WDR20: variants seen among roughly 807,000 people sequenced by gnomAD.
WDR20 encodes WD repeat-containing protein 20.
Under a neutral mutation model 38.7 loss-of-function variants are expected in WDR20, and 3 were observed. The observed-to-expected ratio is 0.08, with a 90% confidence interval of 0.04 to 0.20. The LOEUF is 0.20. Ranked by LOEUF, WDR20 falls within the 10% of genes least tolerant of loss-of-function variation. WDR20 has a pLI of 1.00. For missense variants in WDR20, 559 were observed against 727.7 expected, an observed-to-expected ratio of 0.77 and a Z score of 2.67; for synonymous variants, 298 against 285.6, an observed-to-expected ratio of 1.04 and a Z score of -0.44.
intron 1 of WDR20, among the ~76,000 whole-genome samples, chr14:102,140,548 C>T (rs1422860373): frequency 6.6e-6 from 1 of 152,126 alleles, no homozygotes; most frequent in Non-Finnish European, 1.5e-5. Context: ...CCTCGCCTCC[C>T]TGGAGGGTTG....
At chr14:102,198,337 G>T in intron 2 of WDR20, 1 of 297,060 alleles carries the variant, frequency 3.4e-6, no homozygotes, top group African/African-American at 2.3e-5. Context: ...AGGCTAGTCT[G>T]GAACTCCTGG....
chr14:102,221,433 G>A lies in WDR20; in HGVS notation c.1693-1397G>A, dbSNP rs1017484583. 5.3e-5 allele frequency among the ~76,000 whole-genome samples: 8 copies of A among 152,190 alleles called. No individual in the cohort carries two copies. The highest frequency in any genetic ancestry group is 1.7e-4 in the African/African-American group (7 of 41,444). ...GGCTTCCTTCCTCCAGACTGTCTGC[G>A]GCAGAAGTGGGGTCAGGAACCTGCT... is the stretch of plus-strand genomic sequence containing the variant. On this transcript the variant is annotated intron_variant, in intron 3 of 3. Coordinates refer to the WDR20 transcript ENST00000335263. The surrounding 1 kb of genome is among the most constrained non-coding windows in gnomAD (Gnocchi z 4.8).
At chr14:102,183,321 T>C (rs1455341081) in intron 1 of WDR20, among the ~76,000 whole-genome samples, 1 of 152,234 alleles carries the variant, frequency 6.6e-6, no homozygotes, top group Non-Finnish European at 1.5e-5. Context: ...AGAGATTATT[T>C]GAATTACAGA....
Position 102,196,251 on chromosome 14 carries a change from AGTT to A in WDR20, c.432+1133_432+1135del, listed in dbSNP as rs539642128. ...ATGCCATCTCTTCTAGTTTCCTCTG[AGTT>A]GACTGGAAACAAAACTTGCCATCTG... On this transcript the variant is annotated intron_variant, in intron 2 of 2. Coordinates refer to ENST00000342702, the MANE Select transcript of WDR20 (RefSeq NM_144574.4). 2.9e-3 allele frequency among the ~76,000 whole-genome samples: 440 copies of A among 152,242 alleles called. 4 individuals are homozygous for A. The highest frequency in any genetic ancestry group is 0.01 in the African/African-American group (418 of 41,524).
chr14:102,143,838 C>T (rs1046211274), intron 1 of WDR20, among the ~76,000 whole-genome samples: 11 of 151,616 alleles, frequency 7.3e-5, no homozygotes, highest in South Asian at 4.2e-4. Flanking sequence ...CCACTGCGCC[C>T]GGCCGTAAAC....
At chr14:102,197,481 A>G (rs1177406837) in intron 2 of WDR20, among the ~76,000 whole-genome samples, 1 of 152,214 alleles carries the variant, frequency 6.6e-6, no homozygotes, top group East Asian at 1.9e-4. Flanking sequence ...TGTGGGTCTT[A>G]AAGGGTACAT....
rs765411754 is a variant in WDR20 at position 102,208,652 on chromosome 14, C to T, written c.482C>T (p.Ser161Leu). Residue 161 changes from serine (S) to leucine (L), a missense_variant, in exon 3 of 3, where the codon TCG becomes TTG. By Grantham distance (145) the Ser-to-Leu change is moderately radical. Transcript: ENST00000342702. The surrounding 1 kb of genome is among the most constrained non-coding windows in gnomAD (Gnocchi z 5.6). ...ACCTGTGTCAAATGGGTTCCCGGTT[C>T]GGAAAGCCTTTTCCTAGTAGCCCAC... ...RVTCVKWVPG[S>L]ESLFLVAHSS... 8 of 1,612,494 alleles carry T rather than the reference C, an allele frequency of 5.0e-6. No individual in the cohort carries two copies. In the Admixed American group the frequency reaches 6.7e-5, roughly 13 times the overall value.
intron 1 of WDR20, among the ~76,000 whole-genome samples, chr14:102,187,325 C>G (rs1173230537): frequency 2.0e-5 from 3 of 152,028 alleles, no homozygotes; most frequent in African/African-American, 7.3e-5. Flanking sequence ...ATATATGGAA[C>G]ATAGTTAACA....
In WDR20 at chr14:102,208,715, C is replaced by G. The variant is rs2062010992; in HGVS notation, c.545C>G (p.Thr182Ser). 6.2e-7 allele frequency: 1 copy of G among 1,614,096 alleles called. No homozygotes were observed. The highest frequency in any genetic ancestry group is 1.1e-5 in the South Asian group (1 of 91,092). Residue 182 changes from threonine to serine, a missense_variant, in exon 3 of 3, where the codon ACT becomes AGT. Physicochemically the swap from Thr to Ser is moderately conservative, Grantham distance 58. Coordinates refer to ENST00000342702, the MANE Select transcript of WDR20 (RefSeq NM_144574.4). This position sits in a 1 kb window ranked among gnomAD's most constrained non-coding sequence, Gnocchi z 5.6. Reference protein sequence around the residue: ...GNMYLYNVEHTCGTTAPHYQL... With the variant: ...GNMYLYNVEHSCGTTAPHYQL... ...ATGTACTTATATAATGTGGAGCACACTTGTGGCACCACAGCCCCCCACTAC... is the reference window on the plus strand; with the variant it reads ...ATGTACTTATATAATGTGGAGCACAGTTGTGGCACCACAGCCCCCCACTAC...
intron 1 of WDR20, among the ~76,000 whole-genome samples, chr14:102,141,102 G>A (rs775899755): frequency 3.3e-5 from 5 of 152,108 alleles, no homozygotes; most frequent in Non-Finnish European, 5.9e-5. Context: ...TCTTTCATTG[G>A]CTATGTAACT....
At chr14:102,172,635 C>T (rs1366237594) in intron 1 of WDR20, among the ~76,000 whole-genome samples, 1 of 148,038 alleles carries the variant, frequency 6.8e-6, no homozygotes, top group Non-Finnish European at 1.5e-5. Context: ...CCTCACCTCC[C>T]GGACGGGGCG....
intron 2 of WDR20, among the ~76,000 whole-genome samples, chr14:102,198,130 T>C (rs963720345): frequency 2.8e-5 from 3 of 107,476 alleles, no homozygotes; most frequent in African/African-American, 1.6e-4. Flanking sequence ...TATTTATTTA[T>C]TTATTTATTT....
At chr14:102,224,036 G>GTT (rs1184725386), downstream of WDR20, among the ~76,000 whole-genome samples, 66 of 139,490 alleles carry the variant, frequency 4.7e-4, no homozygotes, top group African/African-American at 1.1e-3. Context: ...GTTTACCTGA[G>GTT]ATTTTTTTTT....
At chr14:102,164,212 C>G (rs1431188171) in intron 1 of WDR20, among the ~76,000 whole-genome samples, 2 of 151,996 alleles carry the variant, frequency 1.3e-5, no homozygotes, top group Non-Finnish European at 2.9e-5. Context: ...ACTCATGACA[C>G]CTTTCTCTCT....
rs369658846 is a variant in WDR20 at position 102,210,073 on chromosome 14, A to T, written c.*193A>T. The T allele has an allele frequency of 1.5e-5, 20 of 1,364,918 alleles. No homozygotes were observed. The highest frequency in any genetic ancestry group is 2.7e-4 in the Middle Eastern group (1 of 3,706). The allele number at this position is 1,364,918 out of a possible 1,614,324, so 84.6% of individuals were successfully genotyped here. On this transcript the variant is annotated 3_prime_UTR_variant, in exon 3 of 3. Coordinates refer to ENST00000342702, the MANE Select transcript of WDR20 (RefSeq NM_144574.4). The stretch of plus-strand genomic sequence containing the variant: ...TAATTTACCTTAGAGCATTTAAAAA[A>T]ATATAATCAAACTAATTGCCAGCCA...
At chr14:102,173,888 C>CA (rs1195452792) in intron 1 of WDR20, among the ~76,000 whole-genome samples, 4 of 151,906 alleles carry the variant, frequency 2.6e-5, no homozygotes, top group South Asian at 2.1e-4. Context: ...ACTAAAAATT[C>CA]AAAAAATTAG....
intron 1 of WDR20, among the ~76,000 whole-genome samples, chr14:102,155,382 C>T (rs1025020357): frequency 1.2e-4 from 19 of 152,194 alleles, no homozygotes; most frequent in Non-Finnish European, 2.4e-4. Context: ...TTTCTTTCAT[C>T]TGGAGCCCTG....
intron 1 of WDR20, among the ~76,000 whole-genome samples, chr14:102,155,110 G>T (rs1174914259): frequency 6.6e-6 from 1 of 152,150 alleles, no homozygotes; most frequent in Non-Finnish European, 1.5e-5. Context: ...CCTTTTGTAC[G>T]ATGATCTGTG....
At chr14:102,215,790 GT>G (rs1279167145), downstream of WDR20, among the ~76,000 whole-genome samples, 7 of 152,208 alleles carry the variant, frequency 4.6e-5, no homozygotes, top group African/African-American at 1.7e-4. Context: ...ACACAGGGCA[GT>G]GGGGGACGTT....
Sources: allele counts gnomAD v4.1 joint callset (sites outside exome capture counted in the v4.1 genomes callset), GRCh38; gene constraint gnomAD v4.1.1; non-coding constraint Gnocchi (gnomAD v3.1); transcripts MANE v1.5; gene names NCBI Gene and HGNC (gene_info 2026-07-23, HGNC 2026-07-21).